SOX5: variants seen among roughly 807,000 people sequenced by gnomAD.
SOX5 encodes transcription factor SOX-5.
A neutral mutation model predicts 92.0 loss-of-function variants in SOX5; 9 were observed. The observed-to-expected ratio is 0.10, with a 90% CI of 0.06 to 0.17. SOX5 has a LOEUF of 0.17. SOX5 is among the 10% of genes least tolerant of loss of function. SOX5 has a pLI of 1.00. For synonymous variants in SOX5, 344 were observed against 336.3 expected, an observed-to-expected ratio of 1.02 and a Z score of -0.25; for missense variants, 642 against 944.5, an observed-to-expected ratio of 0.68 and a Z score of 4.20.
chr12:23,731,018 T>G (rs977832765), intron 6 of SOX5, among the ~76,000 whole-genome samples: 1 of 152,130 alleles, frequency 6.6e-6, no homozygotes, highest in Admixed American at 6.5e-5. Context: ...GCAGGCACCT[T>G]CTAATCTGCT....
At chr12:24,056,924 G>C (rs1047541050) in intron 4 of SOX5, among the ~76,000 whole-genome samples, 21 of 126,704 alleles carry the variant, frequency 1.7e-4, no homozygotes, top group African/African-American at 5.9e-4. Flanking sequence ...GCAGTGAGCC[G>C]AGATCCCGCC....
intron 1 of SOX5, among the ~76,000 whole-genome samples, chr12:24,449,918 C>A (rs1301941187): frequency 1.3e-5 from 2 of 152,100 alleles, no homozygotes; most frequent in Non-Finnish European, 2.9e-5. Context: ...TTCCCTAGCC[C>A]CCACACATTA....
chr12:24,065,431 G>A (rs775551969), intron 4 of SOX5, among the ~76,000 whole-genome samples: 3 of 152,038 alleles, frequency 2.0e-5, no homozygotes, highest in South Asian at 2.1e-4. Flanking sequence ...GGTGGATCAC[G>A]AGGTCAAGAC....
At chr12:24,324,115 GTCTTA>G (rs1342746879) in intron 2 of SOX5, among the ~76,000 whole-genome samples, 1 of 152,046 alleles carries the variant, frequency 6.6e-6, no homozygotes, top group Non-Finnish European at 1.5e-5. Context: ...ATGGAATTGG[GTCTTA>G]TATTTCTTCA....
At chr12:24,233,414 A>T (rs1259751082) in intron 3 of SOX5, among the ~76,000 whole-genome samples, 1 of 152,216 alleles carries the variant, frequency 6.6e-6, no homozygotes, top group Admixed American at 6.5e-5. Flanking sequence ...AAACACAGAA[A>T]CCATAGCTTA....
intron 3 of SOX5, among the ~76,000 whole-genome samples, chr12:24,220,585 C>A (rs1372404913): frequency 6.6e-6 from 1 of 151,978 alleles, no homozygotes; most frequent in Non-Finnish European, 1.5e-5. Flanking sequence ...TTAAACGGGG[C>A]AAAAAAATGT....
At chr12:24,032,315 T>A (rs1164624696) in intron 4 of SOX5, among the ~76,000 whole-genome samples, 1 of 151,850 alleles carries the variant, frequency 6.6e-6, no homozygotes, top group African/African-American at 2.4e-5. Context: ...TCATACACCA[T>A]TCTTATCTTA....
intron 8 of SOX5, among the ~76,000 whole-genome samples, chr12:23,631,420 A>G (rs968427167): frequency 6.6e-6 from 1 of 152,114 alleles, no homozygotes; most frequent in Non-Finnish European, 1.5e-5. Flanking sequence ...AGCCAAAACT[A>G]GAAAACTGAA....
chr12:24,122,836 C>T (rs2097298442), intron 4 of SOX5, among the ~76,000 whole-genome samples: 1 of 151,962 alleles, frequency 6.6e-6, no homozygotes, highest in Non-Finnish European at 1.5e-5. Flanking sequence ...CAGAACATAA[C>T]TACAGAAAAA....
intron 3 of SOX5, among the ~76,000 whole-genome samples, chr12:23,814,401 A>G (rs549758397): frequency 2.6e-4 from 40 of 152,296 alleles, no homozygotes; most frequent in African/African-American, 9.4e-4. Context: ...CAGACCTTCA[A>G]TATGAGAGGT....
At chr12:23,896,712 A>G (rs1041531405) in intron 1 of SOX5, among the ~76,000 whole-genome samples, 2 of 133,466 alleles carry the variant, frequency 1.5e-5, no homozygotes, top group African/African-American at 5.4e-5. Flanking sequence ...GTTGCAAGGT[A>G]GTAAAAAAAA....
intron 4 of SOX5, among the ~76,000 whole-genome samples, chr12:23,969,346 C>T (rs893732899): frequency 4.6e-5 from 7 of 151,926 alleles, no homozygotes; most frequent in African/African-American, 1.2e-4. Context: ...CACACTGTAC[C>T]GAGACCAATG....
At chr12:24,068,134 G>T (rs1162525848) in intron 4 of SOX5, among the ~76,000 whole-genome samples, 6 of 152,192 alleles carry the variant, frequency 3.9e-5, no homozygotes, top group Non-Finnish European at 8.8e-5. Flanking sequence ...GACAGAGGGA[G>T]ACTCCGTCTC....
chr12:23,693,254 G>C (rs1195247198), intron 6 of SOX5, among the ~76,000 whole-genome samples: 2 of 152,022 alleles, frequency 1.3e-5, no homozygotes, highest in African/African-American at 2.4e-5. Flanking sequence ...CTCTCAAGTA[G>C]CTGGGATTAC....
intron 4 of SOX5, among the ~76,000 whole-genome samples, chr12:23,992,538 T>C (rs1460570956): frequency 2.0e-5 from 3 of 152,178 alleles, no homozygotes; most frequent in Non-Finnish European, 2.9e-5. Flanking sequence ...TTTTATTCCA[T>C]AAATGCATCA....
chr12:24,483,895 C>G (rs1011299745), intron 1 of SOX5, among the ~76,000 whole-genome samples: 1 of 152,186 alleles, frequency 6.6e-6, no homozygotes, highest in Non-Finnish European at 1.5e-5. Flanking sequence ...TTTCTAAATT[C>G]TTTTAAAATT....
chr12:24,037,382 G>C (rs373407239), intron 4 of SOX5, among the ~76,000 whole-genome samples: 2 of 152,118 alleles, frequency 1.3e-5, no homozygotes, highest in South Asian at 4.1e-4. Flanking sequence ...CCCATTAAAA[G>C]ACAGTAAAAA....
At chr12:23,677,947 A>C (rs1027589971) in intron 6 of SOX5, among the ~76,000 whole-genome samples, 1 of 152,168 alleles carries the variant, frequency 6.6e-6, no homozygotes, top group Non-Finnish European at 1.5e-5. Flanking sequence ...GTGAAAAATC[A>C]TGCTCTTTGA....
At chr12:24,442,996 G>A (rs1940889292) in intron 1 of SOX5, among the ~76,000 whole-genome samples, 1 of 132,808 alleles carries the variant, frequency 7.5e-6, no homozygotes, top group Non-Finnish European at 1.5e-5. Context: ...TCTGTCACTA[G>A]GCTGGAGTGC....
Sources: gnomAD v4.1 joint callset for allele counts (sites outside exome capture counted in the v4.1 genomes callset) on GRCh38, gnomAD v4.1.1 for gene constraint, MANE v1.5 for transcripts, NCBI Gene and HGNC (gene_info 2026-07-23, HGNC 2026-07-21) for gene names.